CERS6: variants seen among roughly 807,000 people sequenced by gnomAD.
CERS6 encodes ceramide synthase 6, also known as LAG1 homolog, ceramide synthase 6.
A neutral mutation model predicts 56.8 loss-of-function variants in CERS6; 26 were observed. That is an observed-to-expected ratio of 0.46 (90% CI 0.34 to 0.63). The LOEUF (loss-of-function observed/expected upper bound fraction) is 0.63, where lower values mean the gene tolerates loss of function less well. Ranked by LOEUF, CERS6 falls within the 30% of genes least tolerant of loss-of-function variation. CERS6 has a pLI of 0.01. For missense variants in CERS6, 415 were observed against 467.5 expected (o/e 0.89, Z 1.04); for synonymous variants, 164 against 173.3 (o/e 0.95, Z 0.42).
At chr2:168,760,766 A>ATTTTTTTTTT (rs1553517052) in intron 8 of CERS6, among the ~76,000 whole-genome samples, 3 of 127,120 alleles carry the variant, frequency 2.4e-5, no homozygotes, top group African/African-American at 7.7e-5. Flanking sequence ...TTATTTATTT[A>ATTTTTTTTTT]TTTTTTTGAG....
chr2:168,697,220 A>G (rs1049575175), intron 6 of CERS6, among the ~76,000 whole-genome samples: 10 of 152,304 alleles, frequency 6.6e-5, no homozygotes, highest in African/African-American at 2.4e-4. Flanking sequence ...GATTCTCAGA[A>G]GTAGGTGGTC....
chr2:168,561,568 A>G (rs146183105), intron 3 of CERS6, among the ~76,000 whole-genome samples: 1 of 152,338 alleles, frequency 6.6e-6, no homozygotes, highest in Non-Finnish European at 1.5e-5. Flanking sequence ...AAAAGGATCT[A>G]CAATGGTCTT....
At chr2:168,636,423 A>G (rs1259115928) in intron 4 of CERS6, among the ~76,000 whole-genome samples, 1 of 152,196 alleles carries the variant, frequency 6.6e-6, no homozygotes, top group East Asian at 1.9e-4. Flanking sequence ...TTGGAAGTCA[A>G]GATTGAGATT....
rs145956509 is a variant in CERS6, at chr2:168,642,567, T to G, written c.465+11525T>G. 2.0e-4 allele frequency among the ~76,000 whole-genome samples: 31 copies of G among 152,282 alleles called. 1 individual carries two copies. The highest frequency in any genetic ancestry group is 7.2e-4 in the African/African-American group (30 of 41,554). On this transcript the variant is annotated intron_variant, in intron 4 of 9. Coordinates refer to ENST00000305747, the MANE Select transcript of CERS6 (RefSeq NM_203463.3). ...TCATGATGTCTCCATTACTACAATG[T>G]TAACAGAGTAATCAGGGAGTATCAG...
chr2:168,528,546 A>T (rs1200890962), intron 1 of CERS6, among the ~76,000 whole-genome samples: 2 of 152,136 alleles, frequency 1.3e-5, no homozygotes, highest in East Asian at 3.8e-4. Flanking sequence ...CCTGACCAAT[A>T]CTCTTTGGGA....
intron 8 of CERS6, among the ~76,000 whole-genome samples, chr2:168,743,322 A>C (rs375941809): frequency 3.1e-4 from 47 of 152,158 alleles, no homozygotes; most frequent in Middle Eastern, 3.4e-3. Context: ...ACAATGAATT[A>C]CTAGTTGGAG....
intron 1 of CERS6, among the ~76,000 whole-genome samples, chr2:168,476,030 A>G (rs952368479): frequency 1.3e-5 from 2 of 152,228 alleles, no homozygotes; most frequent in Middle Eastern, 3.2e-3. Context: ...ATCACAATAG[A>G]TGAAGGGTTC....
rs769717620 is a variant in CERS6 at position 168,561,176 on chromosome 2, G to C, written c.277-16G>C. The C allele has an allele frequency of 9.3e-6, 15 of 1,612,788 alleles. No individual in the cohort carries two copies. The highest frequency in any genetic ancestry group is 1.7e-5 in the Admixed American group (1 of 59,854). On this transcript the variant is annotated splice_polypyrimidine_tract_variant and intron_variant, in intron 2 of 9. Transcript: ENST00000305747. ...AAATGGATTGAAAATTATTTTTCTG[G>C]TACCTTGTTTCATAGCATCCTGATG...
intron 4 of CERS6, among the ~76,000 whole-genome samples, chr2:168,645,110 A>ATATATAT (rs1685147700): frequency 5.1e-5 from 3 of 58,910 alleles, no homozygotes; most frequent in African/African-American, 6.3e-5. Context: ...AAAAAAAAAA[A>ATATATAT]AAAAAAATAT....
At chr2:168,652,986 C>T (rs1685382540) in intron 4 of CERS6, among the ~76,000 whole-genome samples, 1 of 152,206 alleles carries the variant, frequency 6.6e-6, no homozygotes, top group South Asian at 2.1e-4. Context: ...GTCCAACAAT[C>T]AGCATTTATA....
At chr2:168,600,527 A>G (rs544809986) in intron 3 of CERS6, among the ~76,000 whole-genome samples, 6 of 152,312 alleles carry the variant, frequency 3.9e-5, no homozygotes, top group African/African-American at 1.2e-4. Context: ...TTAAAGCAAG[A>G]GGAAAATCCC....
At chr2:168,615,316 A>G (rs72877854) in intron 3 of CERS6, among the ~76,000 whole-genome samples, 9,555 of 152,170 alleles carry the variant, frequency 0.063, 424 homozygotes, top group Non-Finnish European at 0.093. Flanking sequence ...TTTCTTTAAC[A>G]CCCCCGAAAA....
chr2:168,766,153 C>A (rs1684724317), intron 9 of CERS6, among the ~76,000 whole-genome samples: 1 of 152,182 alleles, frequency 6.6e-6, no homozygotes, highest in African/African-American at 2.4e-5. Context: ...TTCATGACTT[C>A]CAACAAGATT....
At chr2:168,543,762 T>C (rs1342950881) in intron 1 of CERS6, among the ~76,000 whole-genome samples, 1 of 151,930 alleles carries the variant, frequency 6.6e-6, no homozygotes, top group Non-Finnish European at 1.5e-5. Context: ...GCTCCCAGTA[T>C]GGGTTATGTT....
chr2:168,580,984 C>T (rs1315761451), intron 3 of CERS6, among the ~76,000 whole-genome samples: 3 of 151,270 alleles, frequency 2.0e-5, no homozygotes, highest in Non-Finnish European at 4.4e-5. Flanking sequence ...TCGAGATTCT[C>T]TGGGCCTTCT....
At chr2:168,630,927 A>C in intron 3 of CERS6, 58 bp from the exon 4 acceptor site, 1 of 747,140 alleles carries the variant, frequency 1.3e-6, no homozygotes, top group South Asian at 1.9e-5. Context: ...TACATATTTC[A>C]GTATATGCTG....
chr2:168,509,100 G>T (rs1457108165), intron 1 of CERS6, among the ~76,000 whole-genome samples: 3 of 151,952 alleles, frequency 2.0e-5, no homozygotes, highest in Admixed American at 2.0e-4. Context: ...ATTCATTCTT[G>T]GCAGAATCTC....
chr2:168,735,980 A>C (rs902019032), intron 8 of CERS6, among the ~76,000 whole-genome samples: 6 of 152,048 alleles, frequency 3.9e-5, no homozygotes, highest in Non-Finnish European at 5.9e-5. Context: ...CTGAGGCGAA[A>C]GGACTGCTTG....
chr2:168,673,059 T>C (rs1685962182), intron 4 of CERS6, among the ~76,000 whole-genome samples: 1 of 152,246 alleles, frequency 6.6e-6, no homozygotes, highest in Admixed American at 6.5e-5. Context: ...TATTGAGTAA[T>C]GATAAACCAA....
Sources: gnomAD v4.1 joint callset for allele counts (sites outside exome capture counted in the v4.1 genomes callset) on GRCh38, gnomAD v4.1.1 for gene constraint, MANE v1.5 for transcripts, NCBI Gene and HGNC (gene_info 2026-07-23, HGNC 2026-07-21) for gene names.